GPC5: variants seen among roughly 807,000 people sequenced by gnomAD.
GPC5 encodes the protein glypican 5, also known as glypican-5.
A neutral mutation model predicts 53.9 loss-of-function variants in GPC5; 47 were observed. The observed-to-expected ratio is 0.87, with a 90% CI of 0.69 to 1.11. The LOEUF (loss-of-function observed/expected upper bound fraction) is 1.11. Among genes scored for constraint, GPC5 ranks in the 50% most tolerant of loss-of-function variants. The pLI, the probability that GPC5 is intolerant of heterozygous loss-of-function variation, is 0.00. For synonymous variants in GPC5, 286 were observed against 263.3 expected (o/e 1.09, Z -0.84); for missense variants, 748 against 713.1 (o/e 1.05, Z -0.56).
At chr13:92,589,127 C>T (rs1439804522) in intron 7 of GPC5, among the ~76,000 whole-genome samples, 1 of 152,186 alleles carries the variant, frequency 6.6e-6, no homozygotes, top group Non-Finnish European at 1.5e-5. Context: ...TTACCAAATG[C>T]GTTCATGGTA....
intron 6 of GPC5, among the ~76,000 whole-genome samples, chr13:92,036,951 A>C (rs2040898060): frequency 6.6e-6 from 1 of 152,186 alleles, no homozygotes; most frequent in South Asian, 2.1e-4. Flanking sequence ...TCTCTGAAGT[A>C]CCTTCCTACT....
At position 92,662,624 on chromosome 13, in the gene GPC5, C is replaced by G. The variant is rs560518717; in HGVS notation, c.1562-203658C>G. On this transcript the variant is annotated intron_variant, in intron 7 of 7. Coordinates refer to ENST00000377067, the MANE Select transcript of GPC5 (RefSeq NM_004466.6). ...GATTTTTTCCTTTGGATAACTGCCA[C>G]TCAGCTACTGGAGCTACTTGGCCCT... is the stretch of plus-strand genomic sequence containing the variant. Among the ~76,000 whole-genome samples the G allele has an allele frequency of 4.9e-3, 745 of 152,264 alleles. 4 individuals carry two copies. The highest frequency in any genetic ancestry group is 6.0e-3 in the Non-Finnish European group (411 of 68,014).
rs1218477964 is a variant in GPC5, at chr13:92,006,985, C to T, written c.1401+98928C>T. Among the ~76,000 whole-genome samples the T allele has an allele frequency of 2.8e-5, 4 of 141,146 alleles. No individual in the cohort carries two copies. The East Asian group carries it at 5.8e-4, about 20-fold the overall frequency. The allele number at this position is 141,146 out of a possible 152,430, so 92.6% of individuals were successfully genotyped here. On this transcript the variant is annotated intron_variant, in intron 6 of 7. Coordinates refer to ENST00000377067, the MANE Select transcript of GPC5 (RefSeq NM_004466.6). ...TAATTACATATCTTCAATCATATTGCTTAGTTAAGTATTAATAATTGAGTT... is the reference window on the plus strand; with the variant it reads ...TAATTACATATCTTCAATCATATTGTTTAGTTAAGTATTAATAATTGAGTT...
At chr13:92,736,145 T>G (rs1888928535) in intron 7 of GPC5, among the ~76,000 whole-genome samples, 1 of 151,996 alleles carries the variant, frequency 6.6e-6, no homozygotes, top group Non-Finnish European at 1.5e-5. Context: ...CAAATTGTAT[T>G]TTCAGTTGTT....
intron 2 of GPC5, among the ~76,000 whole-genome samples, chr13:91,664,435 ACACAT>A (rs2035059424): frequency 6.6e-6 from 1 of 152,192 alleles, no homozygotes; most frequent in Non-Finnish European, 1.5e-5. Flanking sequence ...TTTGTCCTCC[ACACAT>A]CACCTCCATG....
At position 92,496,841 on chromosome 13, in the gene GPC5, C is replaced by T. The variant is rs9523687; in HGVS notation, c.1561+351852C>T. On this transcript the variant is annotated intron_variant, in intron 7 of 7. Coordinates refer to ENST00000377067, the MANE Select transcript of GPC5 (RefSeq NM_004466.6). Reference sequence around the variant, plus strand: ...CAATCTGATATCCCTTTGTTACTGGCGGCAAATCCATGCAGGTCTCCCACA... The same window carrying T: ...CAATCTGATATCCCTTTGTTACTGGTGGCAAATCCATGCAGGTCTCCCACA... Among the ~76,000 whole-genome samples, 45 of 152,218 alleles carry T rather than the reference C, an allele frequency of 3.0e-4. 1 individual carries two copies. In the South Asian group the frequency reaches 5.6e-3, roughly 19 times the overall value.
intron 7 of GPC5, among the ~76,000 whole-genome samples, chr13:92,504,828 AG>A (rs1197786475): frequency 6.6e-6 from 1 of 152,012 alleles, no homozygotes; most frequent in Non-Finnish European, 1.5e-5. Context: ...TCTAAAAATT[AG>A]CTCTAAATTG....
chr13:91,545,316 C>T (rs2030218335), intron 2 of GPC5, among the ~76,000 whole-genome samples: 2 of 152,074 alleles, frequency 1.3e-5, no homozygotes, highest in South Asian at 2.1e-4. Context: ...AGAAATGAAC[C>T]TCTAAATTCA....
intron 7 of GPC5, chr13:92,340,725 G>A (rs2043359248): frequency 6.6e-6 from 1 of 152,102 alleles, no homozygotes; most frequent in Admixed American, 6.6e-5. Context: ...ACAAACGATT[G>A]TATTGATTAT....
At chr13:92,775,073 T>A (rs971001592) in intron 7 of GPC5, among the ~76,000 whole-genome samples, 10 of 152,218 alleles carry the variant, frequency 6.6e-5, no homozygotes, top group African/African-American at 1.9e-4. Context: ...CATCAGGTTT[T>A]TAATGAGTCA....
At chr13:92,491,913 T>G (rs1317769057) in intron 7 of GPC5, among the ~76,000 whole-genome samples, 1 of 152,194 alleles carries the variant, frequency 6.6e-6, no homozygotes, top group Non-Finnish European at 1.5e-5. Context: ...GTTAACTGAA[T>G]TCAGTTGAAA....
chr13:92,364,304 T>C, intron 7 of GPC5, among the ~76,000 whole-genome samples: 1 of 151,768 alleles, frequency 6.6e-6, no homozygotes, highest in East Asian at 1.9e-4. Context: ...ATTGAATTAT[T>C]TCCAGCTATC....
chr13:92,465,110 A>G (rs1878639604), intron 7 of GPC5, among the ~76,000 whole-genome samples: 1 of 152,020 alleles, frequency 6.6e-6, no homozygotes, highest in Admixed American at 6.6e-5. Context: ...TAGAAAAAGG[A>G]TCAGATTTTC....
At chr13:92,864,160 G>A (rs1298163744) in intron 7 of GPC5, among the ~76,000 whole-genome samples, 1 of 152,134 alleles carries the variant, frequency 6.6e-6, no homozygotes, top group Non-Finnish European at 1.5e-5. Flanking sequence ...ACAAGGTTGT[G>A]ATTTGATCCA....
intron 7 of GPC5, among the ~76,000 whole-genome samples, chr13:92,743,238 A>G (rs1035639815): frequency 1.6e-4 from 25 of 151,862 alleles, no homozygotes; most frequent in Admixed American, 1.6e-3. Context: ...TCTTCCATTT[A>G]CTTGTATCCT....
chr13:92,033,758 G>GGA, intron 6 of GPC5, among the ~76,000 whole-genome samples: 1 of 152,134 alleles, frequency 6.6e-6, no homozygotes, highest in Non-Finnish European at 1.5e-5. Flanking sequence ...TCCTCAGTTT[G>GGA]AGCATTGATC....
At chr13:92,269,225 G>T (rs2042823413) in intron 7 of GPC5, among the ~76,000 whole-genome samples, 1 of 151,640 alleles carries the variant, frequency 6.6e-6, no homozygotes, top group Non-Finnish European at 1.5e-5. Context: ...ATTTGTTTTT[G>T]TATATGCTAG....
intron 2 of GPC5, among the ~76,000 whole-genome samples, chr13:91,485,537 T>C (rs950120520): frequency 3.3e-5 from 5 of 152,184 alleles, no homozygotes; most frequent in African/African-American, 1.2e-4. Flanking sequence ...TTTTTTTATA[T>C]ATTCTTTTTA....
At chr13:92,840,084 T>TATATATATATATATATATATAC (rs1393756879) in intron 7 of GPC5, among the ~76,000 whole-genome samples, 8 of 25,344 alleles carry the variant, frequency 3.2e-4, no homozygotes, top group African/African-American at 1.3e-3. Context: ...CATACATATA[T>TATATATATATATATATATATAC]ATATATATAT....
Sources: gnomAD v4.1 joint callset for allele counts (sites outside exome capture counted in the v4.1 genomes callset) on GRCh38, gnomAD v4.1.1 for gene constraint, MANE v1.5 for transcripts, NCBI Gene and HGNC (gene_info 2026-07-23, HGNC 2026-07-21) for gene names.